Variants in ELAPOR1 observed in about 807,000 individuals in gnomAD.
The protein encoded by ELAPOR1 is endosome/lysosome-associated apoptosis and autophagy regulator 1.
ELAPOR1 carries 77 observed loss-of-function variants against 119.7 expected under a neutral mutation model. That is an observed-to-expected ratio of 0.64 (90% CI 0.54 to 0.78). The LOEUF is 0.78. ELAPOR1 is among the 30% of genes least tolerant of loss of function. The probability of loss-of-function intolerance (pLI) is 0.00; values close to 1 mark genes in which losing one functional copy is unlikely to be tolerated. For synonymous variants in ELAPOR1, 481 were observed against 487.2 expected (o/e 0.99, Z 0.17); for missense variants, 1,115 against 1,270.4 (o/e 0.88, Z 1.86).
chr1:109,186,479 T>A (rs1468180400), intron 8 of ELAPOR1: 1 of 985,002 alleles, frequency 1.0e-6, no homozygotes, highest in Non-Finnish European at 1.2e-6. Flanking sequence ...TAAGCATGGG[T>A]TAAAGTCTGG....
chr1:109,156,069 T>C (rs1650856961), intron 1 of ELAPOR1, among the ~76,000 whole-genome samples: 1 of 152,148 alleles, frequency 6.6e-6, no homozygotes, highest in African/African-American at 2.4e-5. Context: ...CACTTGAGCC[T>C]GGGAGGTTGA....
chr1:109,192,979 T>C (rs1469554028), intron 14 of ELAPOR1, 105 bp downstream of exon 14: 2 of 1,291,552 alleles, frequency 1.5e-6, no homozygotes, highest in Non-Finnish European at 1.1e-6. Flanking sequence ...ACCCGAGTGC[T>C]CCCCCTAGCA....
In ELAPOR1 at chr1:109,202,937, C is replaced by T. The variant is rs750634180; in HGVS notation, c.2974-7C>T. ...GCAGCCAGCTCCTGTCACCATCTCTCTTTCAGAGGACTCCTGATGGATTTG... is the reference window on the plus strand; with the variant it reads ...GCAGCCAGCTCCTGTCACCATCTCTTTTTCAGAGGACTCCTGATGGATTTG... On this transcript the variant is annotated splice_polypyrimidine_tract_variant and splice_region_variant and intron_variant, in intron 21 of 21. Coordinates refer to ENST00000369939, the MANE Select transcript of ELAPOR1 (RefSeq NM_020775.5). 6 of 1,613,984 alleles carry T rather than the reference C, an allele frequency of 3.7e-6. No homozygotes were observed. Among genetic ancestry groups the T allele is most frequent in the Admixed American group, 1.7e-5 (1 of 59,986 alleles).
At chr1:109,202,264 C>T (rs1273784405) in intron 21 of ELAPOR1, among the ~76,000 whole-genome samples, 4 of 151,648 alleles carry the variant, frequency 2.6e-5, no homozygotes, top group Admixed American at 2.0e-4. Context: ...AGGTGCTTGC[C>T]ATCACACCTG....
At chr1:109,196,557 A>G (rs1258384184) in intron 15 of ELAPOR1, among the ~76,000 whole-genome samples, 2 of 152,114 alleles carry the variant, frequency 1.3e-5, no homozygotes, top group Non-Finnish European at 2.9e-5. Flanking sequence ...GTACTGCCAC[A>G]CGATAGATCC....
chr1:109,186,320 G>A (rs1653042116), intron 8 of ELAPOR1, among the ~76,000 whole-genome samples: 1 of 152,152 alleles, frequency 6.6e-6, no homozygotes, highest in African/African-American at 2.4e-5. Context: ...GGATCTGGCT[G>A]AGCTGTCTGT....
intron 1 of ELAPOR1, among the ~76,000 whole-genome samples, chr1:109,124,056 C>G (rs879378953): frequency 1.3e-5 from 2 of 152,154 alleles, no homozygotes; most frequent in Non-Finnish European, 1.5e-5. Flanking sequence ...ACCCCCTCAG[C>G]CTTCCAAAGC....
At chr1:109,161,409 C>CAAAAAA (rs59573644) in intron 1 of ELAPOR1, among the ~76,000 whole-genome samples, 11 of 56,306 alleles carry the variant, frequency 2.0e-4, no homozygotes, top group Non-Finnish European at 3.2e-4. Flanking sequence ...GACTCCGTCT[C>CAAAAAA]AAAAAAAAAA....
At chr1:109,182,693 C>G (rs1652769000) in intron 7 of ELAPOR1, among the ~76,000 whole-genome samples, 1 of 151,990 alleles carries the variant, frequency 6.6e-6, no homozygotes, top group African/African-American at 2.4e-5. Flanking sequence ...CGGTGAAACC[C>G]TGTCTCTACT....
intron 1 of ELAPOR1, among the ~76,000 whole-genome samples, chr1:109,132,636 G>A (rs552708038): frequency 2.6e-5 from 4 of 152,282 alleles, no homozygotes; most frequent in Non-Finnish European, 5.9e-5. Flanking sequence ...ATAACTGAGC[G>A]AGGCCTGAAG....
intron 1 of ELAPOR1, among the ~76,000 whole-genome samples, chr1:109,154,581 GGCCCCATTTGA>G (rs1394478411): frequency 6.6e-6 from 1 of 152,186 alleles, no homozygotes; most frequent in African/African-American, 2.4e-5. Flanking sequence ...AATCCCTGGA[GGCCCCATTTGA>G]GGGGCTTTCC....
chr1:109,118,111 G>T (rs141057031), intron 1 of ELAPOR1, among the ~76,000 whole-genome samples: 12 of 149,938 alleles, frequency 8.0e-5, no homozygotes, highest in Non-Finnish European at 1.3e-4. Context: ...TGGGCGACAA[G>T]AATGAAACTC....
chr1:109,200,908 T>C lies in ELAPOR1; in HGVS notation c.2973+8T>C, dbSNP rs1453704731. 2 of 1,611,882 alleles carry C rather than the reference T, an allele frequency of 1.2e-6. No individual in the cohort carries two copies. The highest frequency in any genetic ancestry group is 2.7e-5 in the African/African-American group (2 of 74,836). On this transcript the variant is annotated splice_region_variant and intron_variant, in intron 21 of 21. Coordinates refer to ENST00000369939, the MANE Select transcript of ELAPOR1 (RefSeq NM_020775.5). ...AAATCATTTACCTCCAAGGTAGGGG[T>C]CCTGGCCAGTGCACTGAGGTCAGCC...
chr1:109,132,291 G>C (rs1444399362), intron 1 of ELAPOR1, among the ~76,000 whole-genome samples: 1 of 151,902 alleles, frequency 6.6e-6, no homozygotes, highest in Non-Finnish European at 1.5e-5. Context: ...TGGATTACAG[G>C]CATCCGCCAC....
intron 1 of ELAPOR1, among the ~76,000 whole-genome samples, chr1:109,149,103 C>T (rs1300144199): frequency 1.3e-5 from 2 of 152,102 alleles, no homozygotes; most frequent in Non-Finnish European, 2.9e-5. Context: ...ACAGGTGTTG[C>T]TCCATATGTA....
rs1347005461 is a variant in ELAPOR1, at chr1:109,192,681, C to T, written c.1754C>T (p.Ala585Val). ...GTCACCAATGTTATGAATGGTGTGG[C>T]CTCCTACTGCCGTCCCTGTGCCCTA... is the stretch of plus-strand genomic sequence containing the variant. ...INVTNVMNGVASYCRPCALEA... is the reference protein window; with the variant it reads ...INVTNVMNGVVSYCRPCALEA... The change falls in exon 14 of 22, where the codon GCC becomes GTC. Residue 585 changes from alanine to valine, a missense_variant. Physicochemically the swap from Ala to Val is moderately conservative, Grantham distance 64 (BLOSUM62 0). Coordinates refer to ENST00000369939, the MANE Select transcript of ELAPOR1 (RefSeq NM_020775.5). 1.2e-6 allele frequency: 2 copies of T among 1,614,084 alleles called. No homozygotes were observed. The highest frequency in any genetic ancestry group is 1.7e-6 in the Non-Finnish European group (2 of 1,179,984).
At chr1:109,149,843 G>T (rs111933662) in intron 1 of ELAPOR1, among the ~76,000 whole-genome samples, 1 of 152,308 alleles carries the variant, frequency 6.6e-6, no homozygotes, top group African/African-American at 2.4e-5. Context: ...TCGTTGAGAG[G>T]GGGGAGCCAA....
intron 17 of ELAPOR1, 70 bp downstream of exon 17, chr1:109,198,145 C>T (rs928763850): frequency 5.9e-5 from 70 of 1,190,932 alleles, no homozygotes; most frequent in African/African-American, 1.5e-5. Flanking sequence ...TGCATCCCTC[C>T]CTCTCTAGCC....
At position 109,200,063 on chromosome 1, in the gene ELAPOR1, CTACT is replaced by C. The variant is rs763925475; in HGVS notation, c.2637_2640del (p.Tyr880CysfsTer25). 6.2e-7 allele frequency: 1 copy of C among 1,614,112 alleles called. No individual in the cohort carries two copies. The highest frequency in any genetic ancestry group is 1.1e-5 in the South Asian group (1 of 91,088). On this transcript the variant is annotated frameshift_variant, in exon 20 of 22. Transcript: ENST00000369939. LOFTEE classifies it high-confidence loss of function. ...CCTTGTTTTTCTCCCCAACAGAAGACTACTTACGTGTGGCGAGAACCCAAGCTAT... is the reference window on the plus strand; with the variant it reads ...CCTTGTTTTTCTCCCCAACAGAAGACTACGTGTGGCGAGAACCCAAGCTAT...
Sources: allele counts gnomAD v4.1 joint callset (sites outside exome capture counted in the v4.1 genomes callset), GRCh38; gene constraint gnomAD v4.1.1; transcripts MANE v1.5; gene names NCBI Gene and HGNC (gene_info 2026-07-23, HGNC 2026-07-21).